CACNA1E: variants seen among roughly 807,000 people sequenced by gnomAD.
CACNA1E encodes voltage-dependent R-type calcium channel subunit alpha-1E.
A neutral mutation model predicts 259.2 loss-of-function variants in CACNA1E; 40 were observed. The ratio of observed to expected loss-of-function variants is 0.15; its 90% CI spans 0.12 to 0.20. The LOEUF (loss-of-function observed/expected upper bound fraction) is 0.20. Among genes scored for constraint, CACNA1E ranks in the 10% least tolerant of loss-of-function variants. The pLI, the probability that CACNA1E is intolerant of heterozygous loss-of-function variation, is 1.00. For synonymous variants in CACNA1E, 1,104 were observed against 1,138.5 expected (o/e 0.97, Z 0.61); for missense variants, 1,874 against 3,040.1 (o/e 0.62, Z 9.02).
At chr1:181,655,896 G>A (rs11806550) in intron 7 of CACNA1E, among the ~76,000 whole-genome samples, 1 of 152,168 alleles carries the variant, frequency 6.6e-6, no homozygotes, top group Non-Finnish European at 1.5e-5. Flanking sequence ...TGACATTTCA[G>A]TCAATGACTG....
intron 1 of CACNA1E, among the ~76,000 whole-genome samples, chr1:181,505,895 C>G (rs1175172677): frequency 6.6e-6 from 1 of 152,174 alleles, no homozygotes; most frequent in East Asian, 1.9e-4. Context: ...ATAACAGTTA[C>G]CGGGGCCCCA....
At chr1:181,474,078 C>T (rs1662684325) in intron 2 of CACNA1E, among the ~76,000 whole-genome samples, 2 of 152,120 alleles carry the variant, frequency 1.3e-5, no homozygotes, top group South Asian at 2.1e-4. Context: ...TTGTTTGATC[C>T]ATGTCCATTT....
intron 1 of CACNA1E, among the ~76,000 whole-genome samples, chr1:181,364,214 T>C (rs1253778758): frequency 6.6e-6 from 1 of 152,240 alleles, no homozygotes; most frequent in East Asian, 1.9e-4. Context: ...GACTCTTCCA[T>C]TGAACTCTAC....
chr1:181,558,620 C>T (rs572221168), intron 3 of CACNA1E, among the ~76,000 whole-genome samples: 1 of 152,252 alleles, frequency 6.6e-6, no homozygotes, highest in East Asian at 1.9e-4. Flanking sequence ...AAAATTAGTT[C>T]AGGTGACTGG....
chr1:181,509,782 C>T (rs1015088595), intron 1 of CACNA1E, among the ~76,000 whole-genome samples: 1 of 152,142 alleles, frequency 6.6e-6, no homozygotes, highest in Non-Finnish European at 1.5e-5. Context: ...ACTTTGCTGT[C>T]CAGGATTCCA....
chr1:181,327,356 G>A lies in CACNA1E; in HGVS notation c.-15+9233G>A, dbSNP rs371473542. ...CACCAACTCCTCTCAGAGAAAGCAGGGAGTTGACGGAAGGCAGTAATACTA... is the reference window on the plus strand; with the variant it reads ...CACCAACTCCTCTCAGAGAAAGCAGAGAGTTGACGGAAGGCAGTAATACTA... On this transcript the variant is annotated intron_variant, in intron 1 of 11. Transcript: ENST00000524607. Among the ~76,000 whole-genome samples, 2 of 152,150 alleles carry A rather than the reference G, an allele frequency of 1.3e-5. 1 individual carries two copies. Among genetic ancestry groups the A allele is most frequent in the South Asian group, 4.1e-4 (2 of 4,826 alleles).
At chr1:181,472,364 T>C (rs1415450744) in intron 2 of CACNA1E, among the ~76,000 whole-genome samples, 1 of 152,208 alleles carries the variant, frequency 6.6e-6, no homozygotes, top group Non-Finnish European at 1.5e-5. Context: ...TTGTGTTAAA[T>C]AAGTAGATAT....
chr1:181,796,325 C>G (rs1020469254), intron 46 of CACNA1E, among the ~76,000 whole-genome samples: 14 of 152,136 alleles, frequency 9.2e-5, no homozygotes, highest in African/African-American at 2.9e-4. Flanking sequence ...TGTCATGGTT[C>G]TGTAGGCTGG....
intron 7 of CACNA1E, among the ~76,000 whole-genome samples, chr1:181,689,733 G>A (rs945327209): frequency 9.8e-5 from 15 of 152,316 alleles, no homozygotes; most frequent in Non-Finnish European, 1.8e-4. Context: ...GACTAGTGAT[G>A]ATGAGCTTTT....
At chr1:181,397,718 GGT>G in intron 1 of CACNA1E, among the ~76,000 whole-genome samples, 1 of 152,290 alleles carries the variant, frequency 6.6e-6, no homozygotes, top group East Asian at 1.9e-4. Flanking sequence ...TCCAGGACCT[GGT>G]GTCCCTCCCC....
chr1:181,796,533 G>T lies in CACNA1E; in HGVS notation c.6209-135G>T, dbSNP rs75602639. The T allele has an allele frequency of 4.9e-3, 2,826 of 578,416 alleles. 56 individuals are homozygous for T. Among genetic ancestry groups the T allele is most frequent in the African/African-American group, 0.047 (2,493 of 53,142 alleles). 35.8% of individuals were successfully genotyped at this position (578,416 alleles called of 1,614,324 possible). On this transcript the variant is annotated intron_variant, in intron 46 of 47. Coordinates refer to ENST00000367573, the MANE Select transcript of CACNA1E (RefSeq NM_001205293.3). ...AATTAGGCCTCAACATTTGAATTTG[G>T]GGGGGGACACAAACATGTGGTTCCT...
intron 6 of CACNA1E, among the ~76,000 whole-genome samples, chr1:181,610,859 A>G (rs1214390723): frequency 6.6e-6 from 1 of 152,218 alleles, no homozygotes. Context: ...GACTTTTACT[A>G]TTATAATATG....
intron 1 of CACNA1E, among the ~76,000 whole-genome samples, chr1:181,377,183 G>C (rs1655160331): frequency 6.6e-6 from 1 of 152,192 alleles, no homozygotes; most frequent in East Asian, 1.9e-4. Flanking sequence ...AGAGGACATA[G>C]AGATTAAATA....
Position 181,361,851 on chromosome 1 carries a change from G to A in CACNA1E, c.-15+43728G>A, listed in dbSNP as rs537348231. The stretch of plus-strand genomic sequence containing the variant: ...TCAGTTTCCACATCTATAAATGGTG[G>A]TATGATTCCTTAGCTTATACAGCCT... On this transcript the variant is annotated intron_variant, in intron 1 of 11. Coordinates refer to the CACNA1E transcript ENST00000524607. Among the ~76,000 whole-genome samples the A allele has an allele frequency of 8.5e-5, 13 of 152,310 alleles. No homozygotes were observed. In the East Asian group the frequency reaches 2.5e-3, roughly 29 times the overall value.
chr1:181,681,483 C>T (rs934985685), intron 7 of CACNA1E, among the ~76,000 whole-genome samples: 2 of 152,162 alleles, frequency 1.3e-5, no homozygotes, highest in African/African-American at 2.4e-5. Context: ...TTTCCAGTAT[C>T]CTTGATCCTG....
chr1:181,355,419 C>A (rs1653349590), intron 1 of CACNA1E, among the ~76,000 whole-genome samples: 1 of 152,072 alleles, frequency 6.6e-6, no homozygotes, highest in Non-Finnish European at 1.5e-5. Flanking sequence ...AAAACCCTGT[C>A]TCTACTAAAA....
chr1:181,548,997 G>A (rs561155185), intron 3 of CACNA1E, among the ~76,000 whole-genome samples: 17 of 152,258 alleles, frequency 1.1e-4, no homozygotes, highest in South Asian at 2.1e-4. Flanking sequence ...GAACAGGCAC[G>A]TCTAGGAGAA....
intron 7 of CACNA1E, among the ~76,000 whole-genome samples, chr1:181,672,395 G>T (rs1039901418): frequency 6.6e-6 from 1 of 152,190 alleles, no homozygotes; most frequent in African/African-American, 2.4e-5. Flanking sequence ...TGAAAAAAAG[G>T]ATGTCTTTGC....
At chr1:181,500,016 C>T (rs540918710) in intron 1 of CACNA1E, among the ~76,000 whole-genome samples, 1 of 152,322 alleles carries the variant, frequency 6.6e-6, no homozygotes, top group East Asian at 1.9e-4. Flanking sequence ...AAGCCATTCA[C>T]CTGTGGCTGC....
Sources: allele counts gnomAD v4.1 joint callset (sites outside exome capture counted in the v4.1 genomes callset), GRCh38; gene constraint gnomAD v4.1.1; transcripts MANE v1.5; gene names NCBI Gene and HGNC (gene_info 2026-07-23, HGNC 2026-07-21).